Variants in PTPRD observed in about 807,000 individuals in gnomAD.
PTPRD encodes the protein receptor-type tyrosine-protein phosphatase delta.
A neutral mutation model predicts 214.5 loss-of-function variants in PTPRD; 34 were observed. The observed-to-expected ratio is 0.16, with a 90% CI of 0.12 to 0.21. The LOEUF is 0.21. Among genes scored for constraint, PTPRD ranks in the 10% least tolerant of loss-of-function variants. PTPRD has a pLI of 1.00. For missense variants in PTPRD, 2,545 were observed against 2,398.7 expected, an observed-to-expected ratio of 1.06 and a Z score of -1.27; for synonymous variants, 1,128 against 845.7, an observed-to-expected ratio of 1.33 and a Z score of -5.79.
At chr9:10,052,125 G>A (rs2097546214) in intron 3 of PTPRD, among the ~76,000 whole-genome samples, 1 of 151,904 alleles carries the variant, frequency 6.6e-6, no homozygotes. Context: ...TCTATTTTTT[G>A]TAGTGACAGA....
At chr9:8,758,423 A>G (rs547190981) in intron 11 of PTPRD, among the ~76,000 whole-genome samples, 1 of 152,260 alleles carries the variant, frequency 6.6e-6, no homozygotes, top group East Asian at 1.9e-4. Context: ...AAATTAGGGT[A>G]TGATATTTGA....
chr9:8,466,367 T>C (rs908032276), intron 31 of PTPRD, among the ~76,000 whole-genome samples: 1 of 151,944 alleles, frequency 6.6e-6, no homozygotes, highest in African/African-American at 2.4e-5. Context: ...CCAGATAATA[T>C]AGGCAAGGTA....
chr9:9,880,707 T>C (rs1004240124), intron 5 of PTPRD, among the ~76,000 whole-genome samples: 1 of 152,160 alleles, frequency 6.6e-6, no homozygotes, highest in Non-Finnish European at 1.5e-5. Context: ...AATTCATTTT[T>C]TGTAACTATA....
intron 4 of PTPRD, among the ~76,000 whole-genome samples, chr9:9,961,569 G>C (rs1168761799): frequency 6.6e-6 from 1 of 152,102 alleles, no homozygotes; most frequent in Non-Finnish European, 1.5e-5. Flanking sequence ...CATTTTGGAG[G>C]TTAAATACTG....
intron 5 of PTPRD, among the ~76,000 whole-genome samples, chr9:9,787,571 A>C (rs930488379): frequency 6.6e-6 from 1 of 152,000 alleles, no homozygotes; most frequent in Non-Finnish European, 1.5e-5. Flanking sequence ...ATAAGATTTC[A>C]GAAAAAGAAA....
intron 10 of PTPRD, among the ~76,000 whole-genome samples, chr9:9,173,008 G>C (rs1463625883): frequency 6.6e-6 from 1 of 152,104 alleles, no homozygotes; most frequent in African/African-American, 2.4e-5. Flanking sequence ...GTTCTTACCA[G>C]CAGCTAACAT....
intron 14 of PTPRD, among the ~76,000 whole-genome samples, chr9:8,597,213 T>G (rs1309981542): frequency 6.6e-6 from 1 of 152,126 alleles, no homozygotes; most frequent in Non-Finnish European, 1.5e-5. Flanking sequence ...AGTCTTTGAG[T>G]TAGTACTTTA....
intron 5 of PTPRD, among the ~76,000 whole-genome samples, chr9:9,919,814 G>C (rs1336234232): frequency 6.6e-6 from 1 of 152,128 alleles, no homozygotes; most frequent in South Asian, 2.1e-4. Flanking sequence ...TGCAGCATTT[G>C]TAAGATATCA....
chr9:10,037,813 G>C (rs1281672247), intron 3 of PTPRD, among the ~76,000 whole-genome samples: 1 of 152,072 alleles, frequency 6.6e-6, no homozygotes, highest in Non-Finnish European at 1.5e-5. Flanking sequence ...GCTTTAAAGA[G>C]AGCTCAAATA....
At position 9,206,226 on chromosome 9, in the gene PTPRD, A is replaced by G. The variant is rs115294404; in HGVS notation, c.-202-22863T>C. The stretch of plus-strand genomic sequence containing the variant: ...GGAAGGGAGTGGAAGCTGAGGTCAG[A>G]GAAGTAATGATGGAGGGTGGTGGGA... On this transcript the variant is annotated intron_variant, in intron 9 of 45. Transcript: ENST00000381196. 8.9e-3 allele frequency among the ~76,000 whole-genome samples: 1,357 copies of G among 152,288 alleles called. 17 individuals are homozygous for G. Among genetic ancestry groups the G allele is most frequent in the African/African-American group, 0.03 (1,262 of 41,568 alleles).
chr9:9,075,833 C>T (rs2099750312), intron 10 of PTPRD, among the ~76,000 whole-genome samples: 1 of 152,054 alleles, frequency 6.6e-6, no homozygotes, highest in Admixed American at 6.6e-5. Flanking sequence ...GGCTTCTTTC[C>T]AAGTCTTTGC....
chr9:8,928,678 T>G (rs543279570), intron 11 of PTPRD, among the ~76,000 whole-genome samples: 1 of 152,260 alleles, frequency 6.6e-6, no homozygotes, highest in African/African-American at 2.4e-5. Context: ...ATATGGGCTC[T>G]TTTTTTGTTC....
chr9:9,843,573 G>A (rs2153644272), intron 5 of PTPRD, among the ~76,000 whole-genome samples: 1 of 151,948 alleles, frequency 6.6e-6, no homozygotes. Flanking sequence ...CTCAGTAAAT[G>A]ATAAATGCCT....
At chr9:8,420,989 G>A (rs2131575829) in intron 35 of PTPRD, among the ~76,000 whole-genome samples, 1 of 152,104 alleles carries the variant, frequency 6.6e-6, no homozygotes, top group East Asian at 1.9e-4. Context: ...CCCAAGGGAG[G>A]TCCACCAAGG....
intron 14 of PTPRD, among the ~76,000 whole-genome samples, chr9:8,621,676 C>T (rs141720252): frequency 2.2e-4 from 33 of 151,732 alleles, no homozygotes; most frequent in African/African-American, 7.7e-4. Flanking sequence ...ACTTTATTAA[C>T]GCATCTTTGC....
chr9:8,544,391 T>C (rs2079351252), intron 14 of PTPRD, among the ~76,000 whole-genome samples: 1 of 150,316 alleles, frequency 6.7e-6, no homozygotes, highest in African/African-American at 2.5e-5. Context: ...CGCCATTACT[T>C]TTCAATGGTA....
In PTPRD at chr9:8,527,226, T is replaced by A. The variant is rs1592808706; in HGVS notation, c.550+119A>T. 11 of 1,045,324 alleles carry A rather than the reference T, an allele frequency of 1.1e-5. No individual in the cohort carries two copies. The East Asian group carries it at 2.8e-4, about 27-fold the overall frequency. 64.8% of individuals were successfully genotyped at this position (1,045,324 alleles called of 1,614,324 possible). On this transcript the variant is annotated intron_variant, in intron 16 of 45. Coordinates refer to ENST00000381196, the MANE Select transcript of PTPRD (RefSeq NM_002839.4). ...GTGTGTGTGGGAGCCACTACAGAGA[T>A]CTGGTGTCTACACTGACAGTTAGTA... is the stretch of plus-strand genomic sequence containing the variant.
intron 25 of PTPRD, among the ~76,000 whole-genome samples, chr9:8,499,426 C>A (rs1196244234): frequency 1.3e-5 from 2 of 152,136 alleles, no homozygotes; most frequent in Non-Finnish European, 1.5e-5. Context: ...GAAAAAGTAA[C>A]ATGTTTTTAA....
chr9:9,877,199 G>C (rs1374886523), intron 5 of PTPRD, among the ~76,000 whole-genome samples: 1 of 152,178 alleles, frequency 6.6e-6, no homozygotes, highest in Admixed American at 6.5e-5. Flanking sequence ...AGTGAGTCAT[G>C]CATCTCCTGA....
Sources: allele counts gnomAD v4.1 joint callset (sites outside exome capture counted in the v4.1 genomes callset), GRCh38; gene constraint gnomAD v4.1.1; transcripts MANE v1.5; gene names NCBI Gene and HGNC (gene_info 2026-07-23, HGNC 2026-07-21).